The following TUSC3 variants were observed in gnomAD, a reference collection of about 807,000 sequenced individuals.
TUSC3 encodes tumor suppressor candidate 3, also known as dolichyl-diphosphooligosaccharide--protein glycosyltransferase subunit TUSC3.
Under a neutral mutation model 44.8 loss-of-function variants are expected in TUSC3, and 45 were observed. The observed-to-expected ratio is 1.00, with a 90% CI of 0.79 to 1.29. The LOEUF (loss-of-function observed/expected upper bound fraction) is 1.29, where lower values mean the gene tolerates loss of function less well. TUSC3 is among the 50% of genes most tolerant of loss of function. The pLI is 0.00. For synonymous variants in TUSC3, 212 were observed against 152.9 expected (o/e 1.39, Z -2.85); for missense variants, 519 against 437.9 (o/e 1.19, Z -1.65).
intron 1 of TUSC3, among the ~76,000 whole-genome samples, chr8:15,418,807 AC>A (rs1458934015): frequency 4.6e-5 from 7 of 152,184 alleles, no homozygotes; most frequent in Non-Finnish European, 1.0e-4. Flanking sequence ...GCAGTTCAAG[AC>A]CAGCCTGGGC....
At chr8:15,487,179 A>C (rs921413937) in intron 2 of TUSC3, among the ~76,000 whole-genome samples, 1 of 152,046 alleles carries the variant, frequency 6.6e-6, no homozygotes, top group Non-Finnish European at 1.5e-5. Flanking sequence ...TTAGTTCTTT[A>C]TATTTTTCTT....
At chr8:15,572,390 A>G (rs763165096) in intron 1 of TUSC3, among the ~76,000 whole-genome samples, 14 of 152,078 alleles carry the variant, frequency 9.2e-5, no homozygotes, top group Non-Finnish European at 1.8e-4. Flanking sequence ...GATTGAAGAG[A>G]CTTAGGGCCT....
rs561700834 is a variant in TUSC3 at position 15,424,881 on chromosome 8, A to G, written n.91+7576A>G. ...GTGACAGAGCGAGACTCTGTCTCAA[A>G]AAAAAAAAAAGAAAACTCGTTAGTG... On this transcript the variant is annotated intron_variant and non_coding_transcript_variant, in intron 1 of 5. Transcript: ENST00000503191. Among the ~76,000 whole-genome samples the G allele has an allele frequency of 1.3e-4, 20 of 150,958 alleles. No homozygotes were observed. The East Asian group carries it at 3.9e-3, about 29-fold the overall frequency.
downstream of TUSC3, among the ~76,000 whole-genome samples, chr8:15,770,550 A>G (rs143133631): frequency 5.3e-5 from 8 of 152,294 alleles, no homozygotes; most frequent in East Asian, 1.5e-3. Context: ...CTTAAAGTAT[A>G]ATTTTTAAAA....
chr8:15,845,925 T>A, the TUSC3 span, among the ~76,000 whole-genome samples: 1 of 151,966 alleles, frequency 6.6e-6, no homozygotes, highest in Non-Finnish European at 1.5e-5. Flanking sequence ...TACAGTTCCA[T>A]ATGGCTGGGG....
chr8:15,811,913 G>GA, the TUSC3 span, among the ~76,000 whole-genome samples: 21,463 of 149,988 alleles, frequency 0.14, 1,574 homozygotes, highest in South Asian at 0.21. Flanking sequence ...AAATAGAAAA[G>GA]AAAAAAAAAC....
At chr8:15,462,996 T>C (rs181419343) in intron 1 of TUSC3, among the ~76,000 whole-genome samples, 1 of 152,138 alleles carries the variant, frequency 6.6e-6, no homozygotes, top group African/African-American at 2.4e-5. Flanking sequence ...ATTCTTTATT[T>C]TGTTCTCTTC....
the TUSC3 span, among the ~76,000 whole-genome samples, chr8:15,808,927 G>GAT: frequency 1.3e-5 from 2 of 152,166 alleles, no homozygotes; most frequent in Admixed American, 6.6e-5. Context: ...ATATAATTAA[G>GAT]ATATATATAT....
intron 2 of TUSC3, among the ~76,000 whole-genome samples, chr8:15,498,368 AGAGAGAAGGTGTT>A (rs1303341835): frequency 6.6e-6 from 1 of 152,278 alleles, no homozygotes; most frequent in African/African-American, 2.4e-5. Flanking sequence ...AGTGAAAATA[AGAGAGAAGGTGTT>A]GGAGATGTGA....
At chr8:15,450,855 C>A (rs900868100) in intron 1 of TUSC3, among the ~76,000 whole-genome samples, 1 of 152,106 alleles carries the variant, frequency 6.6e-6, no homozygotes, top group South Asian at 2.1e-4. Context: ...CTCCAGAGGA[C>A]TTGAGAAGTA....
chr8:15,461,409 T>C (rs1800343057), intron 1 of TUSC3, among the ~76,000 whole-genome samples: 1 of 152,122 alleles, frequency 6.6e-6, no homozygotes, highest in Admixed American at 6.6e-5. Flanking sequence ...TACTGAATTC[T>C]TTTATCAGTT....
intron 2 of TUSC3, among the ~76,000 whole-genome samples, chr8:15,485,249 A>G (rs570604062): frequency 1.3e-5 from 2 of 152,302 alleles, no homozygotes; most frequent in African/African-American, 2.4e-5. Flanking sequence ...GCAGTGCAGC[A>G]TTCTCATTAT....
At chr8:15,818,576 C>T in the TUSC3 span, among the ~76,000 whole-genome samples, 1 of 152,168 alleles carries the variant, frequency 6.6e-6, no homozygotes, top group Non-Finnish European at 1.5e-5. Context: ...GTAGAGAAAT[C>T]TTTTATTTCT....
chr8:15,801,963 T>A, the TUSC3 span, among the ~76,000 whole-genome samples: 1 of 152,198 alleles, frequency 6.6e-6, no homozygotes, highest in Non-Finnish European at 1.5e-5. Context: ...TCTCTTAGCT[T>A]TTCCTATCAG....
intron 1 of TUSC3, among the ~76,000 whole-genome samples, chr8:15,544,464 T>A (rs937516910): frequency 2.0e-5 from 3 of 151,802 alleles, no homozygotes; most frequent in African/African-American, 7.2e-5. Flanking sequence ...ATGTAGGTAA[T>A]AATGAATATG....
At chr8:15,730,505 TTAAC>T (rs1189345130) in intron 6 of TUSC3, among the ~76,000 whole-genome samples, 157 bp from the exon 7 acceptor site, 1 of 152,142 alleles carries the variant, frequency 6.6e-6, no homozygotes, top group Non-Finnish European at 1.5e-5. Context: ...CTATTTGCAT[TTAAC>T]TAATAATCAT....
At chr8:15,603,000 A>G (rs1804355687) in intron 1 of TUSC3, among the ~76,000 whole-genome samples, 1 of 151,656 alleles carries the variant, frequency 6.6e-6, no homozygotes, top group Non-Finnish European at 1.5e-5. Flanking sequence ...GAGAAGTACA[A>G]GTTATAAATA....
intron 6 of TUSC3, among the ~76,000 whole-genome samples, chr8:15,686,952 G>T (rs563868433): frequency 6.6e-6 from 1 of 151,934 alleles, no homozygotes; most frequent in Non-Finnish European, 1.5e-5. Context: ...CCTGTAGTCC[G>T]GTCCCAGCTA....
At chr8:15,444,969 G>A (rs11990073) in intron 1 of TUSC3, among the ~76,000 whole-genome samples, 1 of 152,088 alleles carries the variant, frequency 6.6e-6, no homozygotes, top group Non-Finnish European at 1.5e-5. Context: ...GCAGGAGAAG[G>A]ACAAGCTGGG....
Sources: gnomAD v4.1 joint callset for allele counts (sites outside exome capture counted in the v4.1 genomes callset) on GRCh38, gnomAD v4.1.1 for gene constraint, MANE v1.5 for transcripts, NCBI Gene and HGNC (gene_info 2026-07-23, HGNC 2026-07-21) for gene names.